FAM168A: variants seen among roughly 807,000 people sequenced by gnomAD.
FAM168A encodes protein FAM168A.
A neutral mutation model predicts 28.5 loss-of-function variants in FAM168A; 3 were observed. The ratio of observed to expected loss-of-function variants is 0.11; its 90% CI spans 0.05 to 0.27. The LOEUF (loss-of-function observed/expected upper bound fraction) is 0.27. FAM168A is among the 10% of genes least tolerant of loss of function. The probability of loss-of-function intolerance (pLI) is 1.00; values close to 1 mark genes in which losing one functional copy is unlikely to be tolerated. For missense variants in FAM168A, 222 were observed against 311.5 expected, an observed-to-expected ratio of 0.71 and a Z score of 2.16; for synonymous variants, 122 against 124.2, an observed-to-expected ratio of 0.98 and a Z score of 0.12.
chr11:73,419,399 T>A (rs970568263), intron 4 of FAM168A, among the ~76,000 whole-genome samples: 2 of 152,172 alleles, frequency 1.3e-5, no homozygotes, highest in African/African-American at 4.8e-5. Context: ...AATGAGGCTT[T>A]CCTACTGGCA....
At position 73,468,415 on chromosome 11, in the gene FAM168A, C is replaced by T; in HGVS notation, c.60G>A (p.Met20Ile). The T allele has an allele frequency of 3.7e-6, 6 of 1,614,068 alleles. No homozygotes were observed. The highest frequency in any genetic ancestry group is 5.1e-6 in the Non-Finnish European group (6 of 1,179,976). The change falls in exon 2 of 8, where the codon ATG (methionine) becomes ATA (isoleucine). Residue 20 changes from methionine to isoleucine, a missense_variant. Met to Ile is a conservative substitution (Grantham distance 10). Around this residue, in one of 3 missense-constraint regions of FAM168A, gnomAD observed 153 missense variants for 189.2 expected, o/e 0.81. Transcript: ENST00000356467. ...TCTCACACTACTCACCCGTGTAGGC[C>T]ATGTTCTTAGGGTTGCCATAAGGAG... ...PGAPYGNPKN[M>I]AYTGYPTAYP...
intron 1 of FAM168A, among the ~76,000 whole-genome samples, chr11:73,496,893 ACACACACACACACG>A (rs1339201030): frequency 6.7e-6 from 1 of 149,756 alleles, no homozygotes; most frequent in Middle Eastern, 3.2e-3. Context: ...ACACACACAC[ACACACACACACACG>A]CACACACACG....
chr11:73,466,482 T>C (rs1206487041), intron 2 of FAM168A, among the ~76,000 whole-genome samples: 1 of 152,192 alleles, frequency 6.6e-6, no homozygotes, highest in Non-Finnish European at 1.5e-5. Context: ...AACTATAGCA[T>C]TTATGATTAA....
intron 1 of FAM168A, among the ~76,000 whole-genome samples, chr11:73,545,758 C>T (rs769296253): frequency 1.9e-4 from 27 of 143,236 alleles, no homozygotes; most frequent in South Asian, 6.5e-4. Flanking sequence ...GGTGCGATCA[C>T]GGCTGGACTC....
chr11:73,488,351 G>A (rs911690663), intron 1 of FAM168A, among the ~76,000 whole-genome samples: 3 of 151,968 alleles, frequency 2.0e-5, no homozygotes, highest in Admixed American at 6.6e-5. Context: ...GGCTGGTCTT[G>A]AACTCCTGAC....
intron 3 of FAM168A, chr11:73,424,921 A>C (rs1381212059): frequency 1.0e-6 from 1 of 976,094 alleles, no homozygotes; most frequent in Non-Finnish European, 1.5e-6. Context: ...GCCCAAGCCT[A>C]GGGGATGGGA....
chr11:73,528,640 C>T (rs1216751656), intron 1 of FAM168A, among the ~76,000 whole-genome samples: 2 of 152,070 alleles, frequency 1.3e-5, no homozygotes, highest in African/African-American at 2.4e-5. Flanking sequence ...TAGGACTCGC[C>T]CTGAATTCTT....
At chr11:73,515,704 C>T (rs924840765) in intron 1 of FAM168A, among the ~76,000 whole-genome samples, 9 of 151,820 alleles carry the variant, frequency 5.9e-5, no homozygotes, top group African/African-American at 1.9e-4. Flanking sequence ...ATTGAACTGG[C>T]GCTAATCAAG....
chr11:73,425,001 G>A (rs1325803473), intron 3 of FAM168A: 1 of 1,520,212 alleles, frequency 6.6e-7, no homozygotes, highest in Non-Finnish European at 8.8e-7. Flanking sequence ...TAATACAGAT[G>A]AGGAAAAATA....
intron 1 of FAM168A, among the ~76,000 whole-genome samples, chr11:73,501,862 G>A (rs1402649528): frequency 6.6e-6 from 1 of 152,106 alleles, no homozygotes; most frequent in Non-Finnish European, 1.5e-5. Flanking sequence ...AGCACTTTGG[G>A]AGGCCAAGGC....
At chr11:73,482,887 AG>A (rs1867986723) in intron 1 of FAM168A, among the ~76,000 whole-genome samples, 1 of 152,048 alleles carries the variant, frequency 6.6e-6, no homozygotes, top group Non-Finnish European at 1.5e-5. Context: ...TAAAGGCGTG[AG>A]CCACCACGCC....
At chr11:73,524,482 TTAAA>T (rs1343691697) in intron 1 of FAM168A, among the ~76,000 whole-genome samples, 2 of 151,948 alleles carry the variant, frequency 1.3e-5, no homozygotes, top group Non-Finnish European at 2.9e-5. Flanking sequence ...TCTTTTAAAT[TTAAA>T]TAAATCTTAA....
chr11:73,518,554 T>A (rs1943333939), intron 1 of FAM168A, among the ~76,000 whole-genome samples: 1 of 151,330 alleles, frequency 6.6e-6, no homozygotes, highest in Admixed American at 6.6e-5. Context: ...CGTGGAATTG[T>A]GGTGGGGGAA....
At chr11:73,499,359 C>T (rs898667345) in intron 1 of FAM168A, among the ~76,000 whole-genome samples, 1 of 152,054 alleles carries the variant, frequency 6.6e-6, no homozygotes, top group Non-Finnish European at 1.5e-5. Flanking sequence ...CCACAAAAAC[C>T]CCATCCAAGA....
intron 1 of FAM168A, among the ~76,000 whole-genome samples, chr11:73,586,096 A>C (rs1056932236): frequency 1.3e-5 from 2 of 152,134 alleles, no homozygotes; most frequent in African/African-American, 4.8e-5. Flanking sequence ...CTAAGTTCCA[A>C]GTATCAGGGA....
At chr11:73,491,649 G>A (rs1375815324) in intron 1 of FAM168A, among the ~76,000 whole-genome samples, 1 of 152,178 alleles carries the variant, frequency 6.6e-6, no homozygotes, top group East Asian at 1.9e-4. Flanking sequence ...CACTGTTGTT[G>A]TATAAAAACG....
chr11:73,502,184 C>A (rs1489941935), intron 1 of FAM168A, among the ~76,000 whole-genome samples: 1 of 138,460 alleles, frequency 7.2e-6, no homozygotes, highest in Non-Finnish European at 1.6e-5. Flanking sequence ...ACACAAAAAA[C>A]CCTCAAAAAA....
At chr11:73,537,926 C>A (rs777554837) in intron 1 of FAM168A, among the ~76,000 whole-genome samples, 10 of 152,170 alleles carry the variant, frequency 6.6e-5, no homozygotes, top group African/African-American at 9.7e-5. Context: ...CCCATGTATA[C>A]TCCTTAAGGA....
intron 4 of FAM168A, among the ~76,000 whole-genome samples, chr11:73,417,629 G>A (rs575377803): frequency 1.4e-5 from 2 of 147,632 alleles, no homozygotes; most frequent in Admixed American, 1.4e-4. Flanking sequence ...GCGCAATCTC[G>A]GCTCACTGCC....
Sources: gnomAD v4.1 joint callset for allele counts (sites outside exome capture counted in the v4.1 genomes callset) on GRCh38, gnomAD v4.1.1 for gene constraint, gnomAD v4.1.1 regional missense constraint, MANE v1.5 for transcripts, NCBI Gene and HGNC (gene_info 2026-07-23, HGNC 2026-07-21) for gene names.